Variants in UHRF2 observed in about 807,000 individuals in gnomAD.
UHRF2 encodes the protein ubiquitin like with PHD and ring finger domains 2, also known as E3 ubiquitin-protein ligase UHRF2.
Under a neutral mutation model 96.8 loss-of-function variants are expected in UHRF2, and 23 were observed. The observed-to-expected ratio is 0.24, with a 90% CI of 0.17 to 0.34. The LOEUF (loss-of-function observed/expected upper bound fraction) is 0.34, where lower values mean the gene tolerates loss of function less well. Ranked by LOEUF, UHRF2 falls within the 10% of genes least tolerant of loss-of-function variation. The pLI, the probability that UHRF2 is intolerant of heterozygous loss-of-function variation, is 1.00. For synonymous variants in UHRF2, 385 were observed against 332.6 expected (o/e 1.16, Z -1.72); for missense variants, 685 against 981.5 (o/e 0.70, Z 4.04).
chr9:6,472,757 T>C (rs1184299180), intron 4 of UHRF2, among the ~76,000 whole-genome samples: 1 of 152,200 alleles, frequency 6.6e-6, no homozygotes, highest in African/African-American at 2.4e-5. Context: ...TTTTCAGTAA[T>C]TGACAGCTGG....
At chr9:6,438,332 T>A (rs144825040) in intron 3 of UHRF2, among the ~76,000 whole-genome samples, 7 of 152,292 alleles carry the variant, frequency 4.6e-5, no homozygotes, top group Admixed American at 4.6e-4. Flanking sequence ...GCAAAGAGAA[T>A]CTATGAAGTT....
chr9:6,419,851 C>T lies in UHRF2; in HGVS notation c.154-1061C>T, dbSNP rs527923282. Among the ~76,000 whole-genome samples, 3 of 152,168 alleles carry T rather than the reference C, an allele frequency of 2.0e-5. 1 individual carries two copies. In the South Asian group the frequency reaches 6.2e-4, roughly 32 times the overall value. On this transcript the variant is annotated intron_variant, in intron 1 of 15. Transcript: ENST00000276893. ...GACCTCCTGGGCTAAAGTGATCTCC[C>T]ACCTCAGCCTCCTGAGTAGCTGGGA...
intron 4 of UHRF2, chr9:6,468,790 G>C: frequency 2.4e-6 from 1 of 419,810 alleles, no homozygotes; most frequent in South Asian, 1.7e-5. Flanking sequence ...GAATATGTAG[G>C]TCTTTTAGTT....
intron 3 of UHRF2, among the ~76,000 whole-genome samples, chr9:6,434,730 C>A (rs981645479): frequency 2.6e-5 from 4 of 152,068 alleles, no homozygotes; most frequent in Admixed American, 6.6e-5. Context: ...TGAGCCACTG[C>A]GCCTGGCCTC....
At position 6,486,817 on chromosome 9, in the gene UHRF2, A is replaced by G. The variant is rs781212053; in HGVS notation, c.1393-4A>G. 1.7e-5 allele frequency: 28 copies of G among 1,613,790 alleles called. No individual in the cohort carries two copies. In the East Asian group the frequency reaches 5.6e-4, roughly 32 times the overall value. The stretch of plus-strand genomic sequence containing the variant: ...TTTTGAGACTCTCTTTAATTGTTTT[A>G]TAGGTGAGCGAAGCAGGTGTTCACA... On this transcript the variant is annotated splice_polypyrimidine_tract_variant and splice_region_variant and intron_variant, in intron 8 of 15. Coordinates refer to ENST00000276893, the MANE Select transcript of UHRF2 (RefSeq NM_152896.3).
chr9:6,501,227 T>C (rs1440959210), intron 14 of UHRF2, among the ~76,000 whole-genome samples: 1 of 152,230 alleles, frequency 6.6e-6, no homozygotes, highest in Non-Finnish European at 1.5e-5. Flanking sequence ...ATGTGTGGGC[T>C]TTGTGTTAAG....
chr9:6,490,201 A>G (rs1205826300), intron 9 of UHRF2, among the ~76,000 whole-genome samples: 1 of 152,222 alleles, frequency 6.6e-6, no homozygotes, highest in Admixed American at 6.5e-5. Context: ...TAACTCTGGT[A>G]ACTCAGTTTC....
chr9:6,456,080 C>T (rs961664614), intron 3 of UHRF2, among the ~76,000 whole-genome samples: 1 of 152,164 alleles, frequency 6.6e-6, no homozygotes, highest in East Asian at 1.9e-4. Context: ...AGGAAATATA[C>T]GTACAGCCAA....
At chr9:6,464,352 G>C (rs781677241) in intron 4 of UHRF2, among the ~76,000 whole-genome samples, 3 of 152,014 alleles carry the variant, frequency 2.0e-5, no homozygotes, top group Non-Finnish European at 4.4e-5. Context: ...AGTTATATGT[G>C]GCAAAAATAC....
intron 2 of UHRF2, among the ~76,000 whole-genome samples, chr9:6,423,902 G>A (rs1004351349): frequency 4.6e-5 from 7 of 151,868 alleles, no homozygotes; most frequent in South Asian, 2.1e-4. Context: ...CCAAGATTGC[G>A]CCACTGCACT....
intron 3 of UHRF2, among the ~76,000 whole-genome samples, chr9:6,446,061 C>T (rs558498104): frequency 2.9e-5 from 4 of 138,562 alleles, no homozygotes; most frequent in African/African-American, 8.0e-5. Context: ...GGCATGATCT[C>T]GGCTCACTGC....
chr9:6,482,104 G>A lies in UHRF2; in HGVS notation c.1392+5G>A. ...ACTTGGAGATTTAGAGTTCAGGTAT[G>A]TTTTAACTTGGGCTTAGTTGAAAGG... On this transcript the variant is annotated splice_donor_5th_base_variant and intron_variant, in intron 8 of 15. Coordinates refer to ENST00000276893, the MANE Select transcript of UHRF2 (RefSeq NM_152896.3). The A allele has an allele frequency of 1.2e-6, 2 of 1,612,212 alleles. No homozygotes were observed. Among genetic ancestry groups the A allele is most frequent in the African/African-American group, 1.3e-5 (1 of 74,988 alleles).
intron 4 of UHRF2, among the ~76,000 whole-genome samples, chr9:6,462,720 C>G (rs1292792704): frequency 1.3e-5 from 2 of 151,306 alleles, no homozygotes; most frequent in African/African-American, 4.9e-5. Flanking sequence ...AGTTCGAGAC[C>G]AGCCTGGCCA....
intron 4 of UHRF2, chr9:6,468,390 T>G (rs573834577): frequency 2.2e-6 from 1 of 454,156 alleles, no homozygotes; most frequent in Non-Finnish European, 4.4e-6. Flanking sequence ...TGCTTTTAGC[T>G]AAAACAACTA....
intron 10 of UHRF2, chr9:6,495,453 G>A (rs929808094): frequency 2.6e-5 from 4 of 152,198 alleles, no homozygotes; most frequent in African/African-American, 9.7e-5. Context: ...GAAAACTGAG[G>A]TGAAAGGCAC....
At chr9:6,422,786 G>C in intron 2 of UHRF2, 1 of 413,166 alleles carries the variant, frequency 2.4e-6, no homozygotes, top group Non-Finnish European at 4.3e-6. Context: ...TTAGATCTTT[G>C]ATATCTTGAT....
intron 14 of UHRF2, among the ~76,000 whole-genome samples, chr9:6,503,713 A>G (rs1384482023): frequency 6.6e-6 from 1 of 152,212 alleles, no homozygotes; most frequent in African/African-American, 2.4e-5. Context: ...TTGAATAGAT[A>G]ATACATGTTC....
At chr9:6,451,018 G>A (rs992212443) in intron 3 of UHRF2, among the ~76,000 whole-genome samples, 1 of 152,126 alleles carries the variant, frequency 6.6e-6, no homozygotes. Flanking sequence ...ATTTAGAGGA[G>A]GAAAGGGTTA....
chr9:6,414,241 A>T (rs564346547), intron 1 of UHRF2: 1 of 152,296 alleles, frequency 6.6e-6, no homozygotes, highest in South Asian at 2.1e-4. Context: ...CGCCTTTCCT[A>T]GGTTTGGAAT....
Sources: gnomAD v4.1 joint callset for allele counts (sites outside exome capture counted in the v4.1 genomes callset) on GRCh38, gnomAD v4.1.1 for gene constraint, MANE v1.5 for transcripts, NCBI Gene and HGNC (gene_info 2026-07-23, HGNC 2026-07-21) for gene names.